The following PLXNB2 variants were observed in gnomAD, a reference collection of about 807,000 sequenced individuals.
The protein encoded by PLXNB2 is plexin-B2.
A neutral mutation model predicts 202.6 loss-of-function variants in PLXNB2; 85 were observed. The observed-to-expected ratio is 0.42, with a 90% CI of 0.35 to 0.50. PLXNB2 has a LOEUF of 0.50. Among genes scored for constraint, PLXNB2 ranks in the 20% least tolerant of loss-of-function variants. The probability of loss-of-function intolerance (pLI) is 0.02; values close to 1 mark genes in which losing one functional copy is unlikely to be tolerated. For synonymous variants in PLXNB2, 1,239 were observed against 1,137.6 expected (o/e 1.09, Z -1.79); for missense variants, 2,063 against 2,586.2 (o/e 0.80, Z 4.39).
intron 35 of PLXNB2, among the ~76,000 whole-genome samples, chr22:50,276,239 G>A (rs1457899849): frequency 2.0e-5 from 3 of 151,450 alleles, no homozygotes; most frequent in Non-Finnish European, 3.0e-5. Context: ...TGTGGGTGGA[G>A]CCGCAGGGAG....
In PLXNB2 at chr22:50,277,613, C is replaced by T. The variant is rs772755944; in HGVS notation, c.5174G>A (p.Arg1725His). Residue 1725 changes from arginine to histidine, a missense_variant, in exon 33 of 37, where the codon CGC (arginine) becomes CAC (histidine). Transcript: ENST00000359337. ...CACGCGGCTCAGCTTATGCTCCGTG[C>T]GCGTGCAGGCATCCATGAAGGTCTG... ...IAQTFMDACT[R>H]TEHKLSRDSP... 8.2e-6 allele frequency: 13 copies of T among 1,594,370 alleles called. No homozygotes were observed. The Middle Eastern group carries it at 8.3e-4, about 102-fold the overall frequency.
Position 50,277,953 on chromosome 22 carries a change from C to A in PLXNB2, c.4948G>T (p.Val1650Leu). The A allele has an allele frequency of 4.3e-6, 7 of 1,613,072 alleles. No individual in the cohort carries two copies. The highest frequency in any genetic ancestry group is 5.9e-6 in the Non-Finnish European group (7 of 1,179,848). ...AAGAAGTACTTGACTGCAGGTGGCA[C>A]CGCGTGCCCAGGCGCCAGCACGCTC... The part of the protein sequence containing the change: ...FQSVLAPGHA[V>L]PPAVKYFFDF... Residue 1650 changes from valine (V) to leucine (L), a missense_variant, in exon 32 of 37, where the codon GTG (valine) becomes TTG (leucine). Physicochemically the swap from Val to Leu is conservative, Grantham distance 32. Transcript: ENST00000359337.
chr22:50,298,537 C>A (rs2067441654), intron 1 of PLXNB2, among the ~76,000 whole-genome samples: 1 of 152,192 alleles, frequency 6.6e-6, no homozygotes, highest in Admixed American at 6.5e-5. Context: ...CTCCTGCCAG[C>A]CTTGGTTCTG....
chr22:50,304,573 AAGG>A (rs894016993), intron 1 of PLXNB2, among the ~76,000 whole-genome samples: 1 of 152,076 alleles, frequency 6.6e-6, no homozygotes, highest in Non-Finnish European at 1.5e-5. Flanking sequence ...AAACCACGGA[AAGG>A]AAGAAGGTGG....
Position 50,280,617 on chromosome 22 carries a change from G to A in PLXNB2, c.4047C>T (p.Tyr1349=), listed in dbSNP as rs200930584. 2 of 1,612,764 alleles carry A rather than the reference G, an allele frequency of 1.2e-6. No homozygotes were observed. The highest frequency in any genetic ancestry group is 4.5e-5 in the East Asian group (2 of 44,884). The change falls in exon 25 of 37, where the codon TAC becomes TAT. Residue 1349 remains tyrosine (Y), a synonymous_variant. Coordinates refer to ENST00000359337, the MANE Select transcript of PLXNB2 (RefSeq NM_012401.4). ...QREFSARAKV[Y]FASLLTVALH... ...GCGCCACCGTCAGCAGGGACGCGAA[G>A]TAGACCTTGGCGCGGGCCGAGAACT...
rs2066865356 is a variant in PLXNB2, at chr22:50,291,472, G to T, written c.-13-875C>A. On this transcript the variant is annotated intron_variant, in intron 2 of 36. Transcript: ENST00000359337. The surrounding 1 kb of genome is among the most constrained non-coding windows in gnomAD (Gnocchi z 4.3). ...CTGGGTCCGGGTGGATGAGGGGGAT[G>T]TGTGGTGTGATGGGTGAGCTGCTGA... Among the ~76,000 whole-genome samples the T allele has an allele frequency of 1.3e-5, 2 of 152,190 alleles. No individual in the cohort carries two copies. Among genetic ancestry groups the T allele is most frequent in the South Asian group, 4.1e-4 (2 of 4,828 alleles).
In PLXNB2 at chr22:50,277,674, G is replaced by A; in HGVS notation, c.5113C>T (p.His1705Tyr). 6.2e-7 allele frequency: 1 copy of A among 1,608,898 alleles called. No homozygotes were observed. Among genetic ancestry groups the A allele is most frequent in the South Asian group, 1.1e-5 (1 of 90,756 alleles). The change falls in exon 33 of 37, where the codon CAC becomes TAC. Residue 1705 changes from histidine to tyrosine, a missense_variant. Coordinates refer to ENST00000359337, the MANE Select transcript of PLXNB2 (RefSeq NM_012401.4). Reference protein sequence around the residue: ...NPHFIFDVHVHEVVDASLSVI... With the variant: ...NPHFIFDVHVYEVVDASLSVI... ...GACAGCGAGGCGTCCACCACCTCGT[G>A]GACATGCACGTCAAAGATGAAGTGG...
chr22:50,298,384 C>T (rs567421010), intron 1 of PLXNB2, among the ~76,000 whole-genome samples: 2 of 152,010 alleles, frequency 1.3e-5, no homozygotes, highest in African/African-American at 4.8e-5. Context: ...TTTTTTCTGA[C>T]CAGCAGCCCC....
intron 1 of PLXNB2, among the ~76,000 whole-genome samples, chr22:50,303,669 T>C (rs1209957127): frequency 6.6e-6 from 1 of 152,176 alleles, no homozygotes; most frequent in Non-Finnish European, 1.5e-5. Context: ...GGCCCAGAAA[T>C]CGGTGCTGGA....
In PLXNB2 at chr22:50,297,947, C is replaced by T. The variant is rs761443837; in HGVS notation, c.-73-3169G>A. On this transcript the variant is annotated intron_variant, in intron 1 of 36. Coordinates refer to ENST00000359337, the MANE Select transcript of PLXNB2 (RefSeq NM_012401.4). This position sits in a 1 kb window ranked among gnomAD's most constrained non-coding sequence, Gnocchi z 5.3. Reference sequence around the variant, plus strand: ...CTCACGACATTCCCACGTCCATGTTCACTGTGCTCCCTGGAAAGCCCCTGC... The same window carrying T: ...CTCACGACATTCCCACGTCCATGTTTACTGTGCTCCCTGGAAAGCCCCTGC... Among the ~76,000 whole-genome samples the T allele has an allele frequency of 6.6e-5, 10 of 152,332 alleles. No individual in the cohort carries two copies. Among genetic ancestry groups the T allele is most frequent in the Non-Finnish European group, 1.5e-4 (10 of 68,026 alleles).
intron 19 of PLXNB2, 27 bp from the exon 20 acceptor site, chr22:50,282,108 C>G (rs374687286): frequency 4.4e-5 from 71 of 1,605,808 alleles, no homozygotes; most frequent in Non-Finnish European, 5.7e-5. Flanking sequence ...GCTGTCAGCC[C>G]CCGGGCGCAG....
At chr22:50,279,939 C>G in intron 26 of PLXNB2, 66 bp downstream of exon 26, 1 of 1,436,206 alleles carries the variant, frequency 7.0e-7, no homozygotes, top group Non-Finnish European at 9.6e-7. Context: ...GATAGGGGAA[C>G]GCAGGAGGGG....
intron 1 of PLXNB2, among the ~76,000 whole-genome samples, chr22:50,299,732 G>GGCCCCGCCACCCA (rs899336446): frequency 6.6e-6 from 1 of 152,138 alleles, no homozygotes; most frequent in Admixed American, 6.5e-5. Context: ...CGAGACCGGC[G>GGCCCCGCCACCCA]GCCCCGCCAC....
rs1388581376 is a variant in PLXNB2, at chr22:50,281,750, G to A, written c.3346-8C>T. 2 of 1,559,240 alleles carry A rather than the reference G, an allele frequency of 1.3e-6. No individual in the cohort carries two copies. Among genetic ancestry groups the A allele is most frequent in the East Asian group, 2.3e-5 (1 of 44,288 alleles). On this transcript the variant is annotated splice_region_variant and splice_polypyrimidine_tract_variant and intron_variant, in intron 20 of 36. Coordinates refer to ENST00000359337, the MANE Select transcript of PLXNB2 (RefSeq NM_012401.4). The stretch of plus-strand genomic sequence containing the variant: ...CTTGTTCAGATTGGTGCCCTGGGGA[G>A]GCGGCAGTGGTCGGGGTGAGGAGGA...
At chr22:50,290,987 G>C (rs1050303482) in intron 2 of PLXNB2, among the ~76,000 whole-genome samples, 4 of 152,098 alleles carry the variant, frequency 2.6e-5, no homozygotes, top group African/African-American at 9.7e-5. Flanking sequence ...CAGGTGGTCG[G>C]GACGCACCGG....
chr22:50,289,165 G>A lies in PLXNB2; in HGVS notation c.1069-23C>T. On this transcript the variant is annotated intron_variant, in intron 3 of 36. Coordinates refer to ENST00000359337, the MANE Select transcript of PLXNB2 (RefSeq NM_012401.4). The surrounding 1 kb of genome is among the most constrained non-coding windows in gnomAD (Gnocchi z 8.0). ...GCCCTGCGGACCACAGCGTGTCAAT[G>A]GCAGGCAGACCCCCTGTCCTGAAGG... is the stretch of plus-strand genomic sequence containing the variant. 6.5e-7 allele frequency: 1 copy of A among 1,534,328 alleles called. No individual in the cohort carries two copies. The highest frequency in any genetic ancestry group is 1.2e-5 in the South Asian group (1 of 83,736).
At chr22:50,301,401 C>G (rs940154827) in intron 1 of PLXNB2, 5 of 873,954 alleles carry the variant, frequency 5.7e-6, no homozygotes, top group African/African-American at 5.0e-5. Context: ...CACCGCCAGG[C>G]GCTCGGGGCA....
chr22:50,291,943 G>A lies in PLXNB2; in HGVS notation c.-13-1346C>T, dbSNP rs568027078. On this transcript the variant is annotated intron_variant, in intron 2 of 36. Coordinates refer to ENST00000359337, the MANE Select transcript of PLXNB2 (RefSeq NM_012401.4). The surrounding 1 kb of genome is among the most constrained non-coding windows in gnomAD (Gnocchi z 4.3). ...CCACCTCCCTGTGCAGGCCCACCCC[G>A]TGCCTCCAGAGGGACTGCCACATCC... is the stretch of plus-strand genomic sequence containing the variant. 2.0e-5 allele frequency among the ~76,000 whole-genome samples: 3 copies of A among 152,284 alleles called. No individual in the cohort carries two copies. The highest frequency in any genetic ancestry group is 4.4e-5 in the Non-Finnish European group (3 of 68,020).
Position 50,276,711 on chromosome 22 carries a change from G to A in PLXNB2, c.5262-7C>T. On this transcript the variant is annotated splice_polypyrimidine_tract_variant and splice_region_variant and intron_variant, in intron 34 of 36. Transcript: ENST00000359337. ...CCGGATCCCCTTGTAGTAACTGCAGGGGTGGGAGCATCATACAGTGTGGGC... is the reference window on the plus strand; with the variant it reads ...CCGGATCCCCTTGTAGTAACTGCAGAGGTGGGAGCATCATACAGTGTGGGC... 6.2e-7 allele frequency: 1 copy of A among 1,613,410 alleles called. No individual in the cohort carries two copies. The highest frequency in any genetic ancestry group is 8.5e-7 in the Non-Finnish European group (1 of 1,179,526).
Sources: gnomAD v4.1 joint callset for allele counts (sites outside exome capture counted in the v4.1 genomes callset) on GRCh38, gnomAD v4.1.1 for gene constraint, Gnocchi (gnomAD v3.1) non-coding constraint, MANE v1.5 for transcripts, NCBI Gene and HGNC (gene_info 2026-07-23, HGNC 2026-07-21) for gene names.